The following OPCML variants were observed in gnomAD, a reference collection of about 807,000 sequenced individuals.
OPCML encodes opioid-binding protein/cell adhesion molecule.
Under a neutral mutation model 37.8 loss-of-function variants are expected in OPCML, and 13 were observed. The observed-to-expected ratio is 0.34, with a 90% CI of 0.22 to 0.55. OPCML has a LOEUF of 0.55. Ranked by LOEUF, OPCML falls within the 20% of genes least tolerant of loss-of-function variation. The probability of loss-of-function intolerance (pLI) is 0.91; values close to 1 mark genes in which losing one functional copy is unlikely to be tolerated. For missense variants in OPCML, 341 were observed against 435.6 expected (o/e 0.78, Z 1.93); for synonymous variants, 176 against 168.8 (o/e 1.04, Z -0.33).
chr11:132,843,702 T>C lies in OPCML; in HGVS notation c.146+99224A>G, dbSNP rs577822176. On this transcript the variant is annotated intron_variant, in intron 2 of 7. Transcript: ENST00000524381. ...GTCTTTATAAAGCTCATCACTGTTA[T>C]TGAGATTGTGGCAGAAGGTCTGTAT... Among the ~76,000 whole-genome samples the C allele has an allele frequency of 3.9e-5, 6 of 152,290 alleles. No homozygotes were observed. The East Asian group carries it at 5.8e-4, about 15-fold the overall frequency.
chr11:133,184,468 A>T (rs2136290725), intron 1 of OPCML, among the ~76,000 whole-genome samples: 1 of 152,072 alleles, frequency 6.6e-6, no homozygotes, highest in East Asian at 1.9e-4. Flanking sequence ...GAGAGAAAGG[A>T]CCTTCCGTGG....
intron 3 of OPCML, among the ~76,000 whole-genome samples, chr11:132,645,642 G>A (rs1565741105): frequency 6.6e-6 from 1 of 152,086 alleles, no homozygotes; most frequent in African/African-American, 2.4e-5. Context: ...AAAGCTACAG[G>A]TATCACAAGG....
At chr11:132,874,091 G>A (rs148278101) in intron 2 of OPCML, among the ~76,000 whole-genome samples, 1 of 152,118 alleles carries the variant, frequency 6.6e-6, no homozygotes, top group Non-Finnish European at 1.5e-5. Context: ...GACCATTCAG[G>A]GTTTGGGTTC....
At chr11:132,496,747 A>T (rs920220503) in intron 4 of OPCML, among the ~76,000 whole-genome samples, 4 of 152,266 alleles carry the variant, frequency 2.6e-5, no homozygotes, top group Non-Finnish European at 5.9e-5. Flanking sequence ...TACAAATCTA[A>T]GACTAAGAGA....
intron 2 of OPCML, among the ~76,000 whole-genome samples, chr11:132,729,225 A>T (rs965726779): frequency 1.3e-5 from 2 of 152,176 alleles, no homozygotes; most frequent in African/African-American, 2.4e-5. Flanking sequence ...ATTTAACAAC[A>T]TCCTTGTAGA....
intron 1 of OPCML, among the ~76,000 whole-genome samples, chr11:133,127,982 T>C (rs185276736): frequency 6.6e-4 from 100 of 152,196 alleles, no homozygotes; most frequent in African/African-American, 2.3e-3. Flanking sequence ...TAAGATAGGC[T>C]GGTCCTGCGG....
intron 1 of OPCML, among the ~76,000 whole-genome samples, chr11:133,275,191 A>C (rs1941958039): frequency 6.6e-6 from 1 of 152,178 alleles, no homozygotes; most frequent in Non-Finnish European, 1.5e-5. Flanking sequence ...AGCCAACTGG[A>C]AGATCCTTTT....
intron 3 of OPCML, among the ~76,000 whole-genome samples, chr11:132,594,776 A>G (rs1379167704): frequency 6.6e-6 from 1 of 152,240 alleles, no homozygotes; most frequent in Non-Finnish European, 1.5e-5. Flanking sequence ...GGGGAAAATA[A>G]CAAATGGTCT....
intron 1 of OPCML, among the ~76,000 whole-genome samples, chr11:133,396,156 CTT>C (rs138332871): frequency 6.7e-6 from 1 of 149,860 alleles, no homozygotes; most frequent in Non-Finnish European, 1.5e-5. Flanking sequence ...AATAGGATTA[CTT>C]TTTTTTTTCT....
At chr11:132,850,561 A>G (rs1173488823) in intron 2 of OPCML, among the ~76,000 whole-genome samples, 1 of 151,276 alleles carries the variant, frequency 6.6e-6, no homozygotes. Context: ...ACTTTAGTTC[A>G]GATTTAAAAT....
intron 1 of OPCML, among the ~76,000 whole-genome samples, chr11:133,182,671 A>G (rs1010261174): frequency 6.6e-6 from 1 of 152,232 alleles, no homozygotes; most frequent in African/African-American, 2.4e-5. Flanking sequence ...TGAGAGAGCC[A>G]GAGCGGAGAT....
intron 2 of OPCML, among the ~76,000 whole-genome samples, chr11:132,746,584 G>A (rs1282744859): frequency 2.0e-5 from 3 of 152,106 alleles, no homozygotes; most frequent in Admixed American, 6.5e-5. Flanking sequence ...CCTCACCCAC[G>A]AGACAGTCAG....
chr11:132,614,566 T>C (rs183097707), intron 3 of OPCML, among the ~76,000 whole-genome samples: 16 of 152,290 alleles, frequency 1.1e-4, no homozygotes, highest in Admixed American at 1.0e-3. Context: ...TCCCCACGAA[T>C]GAGCTGCTTA....
intron 2 of OPCML, among the ~76,000 whole-genome samples, chr11:132,868,432 G>A (rs1942659419): frequency 6.6e-6 from 1 of 151,452 alleles, no homozygotes; most frequent in South Asian, 2.1e-4. Flanking sequence ...TGTCAGCCCT[G>A]TAGGCGCCAC....
chr11:133,201,216 G>A (rs528134459), intron 1 of OPCML, among the ~76,000 whole-genome samples: 7 of 151,658 alleles, frequency 4.6e-5, no homozygotes, highest in South Asian at 2.1e-4. Context: ...TTATCTCTGC[G>A]CCAAACTCCC....
At chr11:133,529,248 C>A (rs1280106632) in intron 1 of OPCML, among the ~76,000 whole-genome samples, 1 of 152,200 alleles carries the variant, frequency 6.6e-6, no homozygotes, top group African/African-American at 2.4e-5. Flanking sequence ...ACAGGGACTC[C>A]ACATTTTAAC....
intron 3 of OPCML, among the ~76,000 whole-genome samples, chr11:132,603,929 C>G (rs994224127): frequency 6.6e-6 from 1 of 152,124 alleles, no homozygotes; most frequent in Admixed American, 6.6e-5. Flanking sequence ...CCCCAGCACC[C>G]GTAATACTTT....
chr11:132,542,631 C>T (rs2096359556), intron 3 of OPCML, among the ~76,000 whole-genome samples: 1 of 152,256 alleles, frequency 6.6e-6, no homozygotes, highest in South Asian at 2.1e-4. Flanking sequence ...TGAACATCCA[C>T]CCTCACCCCC....
At chr11:133,227,532 C>A (rs1940090221) in intron 1 of OPCML, among the ~76,000 whole-genome samples, 1 of 152,124 alleles carries the variant, frequency 6.6e-6, no homozygotes, top group African/African-American at 2.4e-5. Context: ...CTGGGAGAGG[C>A]TGCTGAGCTC....
Sources: gnomAD v4.1 joint callset for allele counts (sites outside exome capture counted in the v4.1 genomes callset) on GRCh38, gnomAD v4.1.1 for gene constraint, MANE v1.5 for transcripts, NCBI Gene and HGNC (gene_info 2026-07-23, HGNC 2026-07-21) for gene names.